ZNF536: variants seen among roughly 807,000 people sequenced by gnomAD.
ZNF536 encodes the protein zinc finger protein 536.
A neutral mutation model predicts 84.5 loss-of-function variants in ZNF536; 13 were observed. The observed-to-expected ratio is 0.15, with a 90% confidence interval of 0.10 to 0.24. The LOEUF (loss-of-function observed/expected upper bound fraction) is 0.24. ZNF536 is among the 10% of genes least tolerant of loss of function. ZNF536 has a pLI of 1.00. For missense variants in ZNF536, 1,536 were observed against 1,747.5 expected, an observed-to-expected ratio of 0.88 and a Z score of 2.16; for synonymous variants, 811 against 742.5, an observed-to-expected ratio of 1.09 and a Z score of -1.50.
At chr19:30,535,968 C>T (rs3786791) in intron 3 of ZNF536, among the ~76,000 whole-genome samples, 47,195 of 151,938 alleles carry the variant, frequency 0.31, 8,671 homozygotes, top group African/African-American at 0.52. Flanking sequence ...TGGTGCCTCA[C>T]CTGGTCCCCA....
At chr19:30,385,389 T>TG in intron 1 of ZNF536, among the ~76,000 whole-genome samples, 1 of 152,102 alleles carries the variant, frequency 6.6e-6, no homozygotes, top group Non-Finnish European at 1.5e-5. Context: ...CTGGTTGCAC[T>TG]GGGGGGACAG....
intron 1 of ZNF536, among the ~76,000 whole-genome samples, chr19:30,600,436 A>G (rs1377253518): frequency 1.3e-5 from 2 of 152,186 alleles, no homozygotes. Context: ...CAACCAAAAC[A>G]TGATCTTAGG....
intron 2 of ZNF536, among the ~76,000 whole-genome samples, chr19:30,342,957 TAGTGCTTTAGGTCTTATC>T: frequency 6.6e-6 from 1 of 152,334 alleles, no homozygotes; most frequent in South Asian, 2.1e-4. Context: ...ATGCCTGGCT[TAGTGCTTTAGGTCTTATC>T]AGTGCTGTCA....
At chr19:30,300,798 G>T (rs1050736371) in intron 2 of ZNF536, 1 of 152,208 alleles carries the variant, frequency 6.6e-6, no homozygotes, top group South Asian at 2.1e-4. Context: ...TGATCGCAAC[G>T]GGGGGAGCCT....
intron 1 of ZNF536, among the ~76,000 whole-genome samples, chr19:30,669,494 A>G (rs1033507966): frequency 1.3e-5 from 2 of 152,188 alleles, no homozygotes; most frequent in Non-Finnish European, 2.9e-5. Context: ...CCTGGAGAGT[A>G]GGGGACTGCC....
At chr19:30,477,994 G>T (rs1041060400) in intron 2 of ZNF536, among the ~76,000 whole-genome samples, 4 of 152,076 alleles carry the variant, frequency 2.6e-5, no homozygotes, top group African/African-American at 7.2e-5. Context: ...AGCTTCTGAT[G>T]ATTGAGGACG....
chr19:30,310,677 G>C (rs1044206440), intron 2 of ZNF536, among the ~76,000 whole-genome samples: 2 of 152,206 alleles, frequency 1.3e-5, no homozygotes, highest in Non-Finnish European at 2.9e-5. Flanking sequence ...TGCTCTGGTA[G>C]AATCTCCATC....
intron 1 of ZNF536, among the ~76,000 whole-genome samples, chr19:30,401,020 T>C (rs1372214765): frequency 6.6e-6 from 1 of 152,220 alleles, no homozygotes; most frequent in African/African-American, 2.4e-5. Flanking sequence ...TTGTAATCCA[T>C]GTTTTGTGTA....
intron 1 of ZNF536, among the ~76,000 whole-genome samples, chr19:30,594,998 G>A (rs2047408393): frequency 1.3e-5 from 2 of 152,120 alleles, no homozygotes; most frequent in Non-Finnish European, 2.9e-5. Flanking sequence ...AGGCTCTTCT[G>A]CATCCTGCTT....
At chr19:30,511,228 A>G (rs1265866682) in intron 2 of ZNF536, among the ~76,000 whole-genome samples, 1 of 152,152 alleles carries the variant, frequency 6.6e-6, no homozygotes, top group African/African-American at 2.4e-5. Flanking sequence ...CTCCTGCTCA[A>G]GAACTCTTTT....
At chr19:30,411,891 A>G (rs1178424602) in intron 1 of ZNF536, among the ~76,000 whole-genome samples, 6 of 152,082 alleles carry the variant, frequency 3.9e-5, no homozygotes, top group Non-Finnish European at 8.8e-5. Context: ...TATTTATGAT[A>G]TCACCATTTC....
At chr19:30,400,408 C>T (rs766964237) in intron 1 of ZNF536, among the ~76,000 whole-genome samples, 2 of 152,130 alleles carry the variant, frequency 1.3e-5, no homozygotes, top group Non-Finnish European at 2.9e-5. Context: ...TCATTTTGAA[C>T]AGAATTTTAA....
At chr19:30,660,237 T>C (rs1014636437) in intron 1 of ZNF536, among the ~76,000 whole-genome samples, 1 of 152,202 alleles carries the variant, frequency 6.6e-6, no homozygotes, top group Non-Finnish European at 1.5e-5. Flanking sequence ...TCAACAGCCA[T>C]GGCAGTGTGC....
intron 1 of ZNF536, among the ~76,000 whole-genome samples, chr19:30,638,982 G>A (rs879492384): frequency 3.3e-5 from 5 of 152,060 alleles, no homozygotes; most frequent in Non-Finnish European, 7.4e-5. Context: ...TCCTTATCTT[G>A]TCATCTATTT....
chr19:30,565,253 C>T (rs145112728), intron 1 of ZNF536, among the ~76,000 whole-genome samples: 3 of 151,642 alleles, frequency 2.0e-5, no homozygotes, highest in Admixed American at 2.0e-4. Flanking sequence ...TTGTGACTGC[C>T]TGCCCTGCTT....
intron 1 of ZNF536, among the ~76,000 whole-genome samples, chr19:30,584,003 G>T (rs544553104): frequency 1.3e-5 from 2 of 152,248 alleles, no homozygotes; most frequent in South Asian, 2.1e-4. Flanking sequence ...ACTGCTTGGG[G>T]TTACCAAGCC....
chr19:30,417,293 G>A lies in ZNF536; in HGVS notation c.-2-26268G>A, dbSNP rs115341121. Among the ~76,000 whole-genome samples, 936 of 151,588 alleles carry A rather than the reference G, an allele frequency of 6.2e-3. 10 individuals are homozygous for A. The highest frequency in any genetic ancestry group is 0.021 in the African/African-American group (884 of 41,272). On this transcript the variant is annotated intron_variant, in intron 1 of 4. Coordinates refer to ENST00000355537, the MANE Select transcript of ZNF536 (RefSeq NM_014717.3). ...ATTATAAGCATGAGCCACTGTGCCC[G>A]GCCCTGATTTCATTTACTTTCCATC...
intron 2 of ZNF536, among the ~76,000 whole-genome samples, chr19:30,481,821 C>A (rs1442668858): frequency 6.6e-6 from 1 of 152,062 alleles, no homozygotes; most frequent in Non-Finnish European, 1.5e-5. Context: ...ATCCCTCACC[C>A]CTCCCGCCCT....
At chr19:30,666,784 C>T (rs904463792) in intron 1 of ZNF536, among the ~76,000 whole-genome samples, 1 of 149,264 alleles carries the variant, frequency 6.7e-6, no homozygotes, top group African/African-American at 2.5e-5. Flanking sequence ...TATATATATT[C>T]AAAAATATAT....
Sources: gnomAD v4.1 joint callset for allele counts (sites outside exome capture counted in the v4.1 genomes callset) on GRCh38, gnomAD v4.1.1 for gene constraint, MANE v1.5 for transcripts, NCBI Gene and HGNC (gene_info 2026-07-23, HGNC 2026-07-21) for gene names.